Variants in NXPE4 observed in about 807,000 individuals in gnomAD.
NXPE4 encodes neurexophilin and PC-esterase domain family member 4, also known as NXPE family member 4.
In NXPE4, 42 loss-of-function variants were observed where a neutral mutation model predicts 33.3. The ratio of observed to expected loss-of-function variants is 1.26; its 90% CI spans 0.98 to 1.63. The LOEUF is 1.63. NXPE4 is among the 40% of genes most tolerant of loss of function. The pLI, the probability that NXPE4 is intolerant of heterozygous loss-of-function variation, is 0.00. For synonymous variants in NXPE4, 253 were observed against 234.9 expected (o/e 1.08, Z -0.71); for missense variants, 709 against 647.6 (o/e 1.09, Z -1.03).
At chr11:114,596,503 G>A (rs1949574538), upstream of NXPE4, among the ~76,000 whole-genome samples, 1 of 152,124 alleles carries the variant, frequency 6.6e-6, no homozygotes, top group South Asian at 2.1e-4. Flanking sequence ...TAAAAAGATG[G>A]AATCAAGACC....
chr11:114,599,077 A>G (rs989720776), upstream of NXPE4, among the ~76,000 whole-genome samples: 1 of 151,946 alleles, frequency 6.6e-6, no homozygotes, highest in Non-Finnish European at 1.5e-5. Context: ...TTTTTTGCAC[A>G]TGCATACGAG....
At chr11:114,653,253 CA>C in the NXPE4 span, among the ~76,000 whole-genome samples, 1 of 152,090 alleles carries the variant, frequency 6.6e-6, no homozygotes, top group Non-Finnish European at 1.5e-5. Flanking sequence ...GCAATGTAAG[CA>C]AACATTATAA....
chr11:114,653,169 A>G, the NXPE4 span, among the ~76,000 whole-genome samples: 1 of 152,254 alleles, frequency 6.6e-6, no homozygotes, highest in Non-Finnish European at 1.5e-5. Flanking sequence ...TTATAAAAGT[A>G]TCTGGAGAAA....
At chr11:114,634,835 G>T in the NXPE4 span, among the ~76,000 whole-genome samples, 7 of 151,948 alleles carry the variant, frequency 4.6e-5, no homozygotes, top group East Asian at 1.3e-3. Context: ...CTCTGTTTTG[G>T]TATCAGTGCT....
At chr11:114,583,491 A>T (rs116759935) in intron 2 of NXPE4, 3 of 634,534 alleles carry the variant, frequency 4.7e-6, no homozygotes, top group South Asian at 2.8e-5. Flanking sequence ...TGCTCCATCT[A>T]TCCAGATTAC....
chr11:114,591,090 C>T (rs1855251866), intron 2 of NXPE4, among the ~76,000 whole-genome samples: 1 of 152,160 alleles, frequency 6.6e-6, no homozygotes, highest in Non-Finnish European at 1.5e-5. Context: ...GGACCATCTT[C>T]ACAGATGGCA....
chr11:114,674,811 C>T, the NXPE4 span, among the ~76,000 whole-genome samples: 1 of 151,788 alleles, frequency 6.6e-6, no homozygotes, highest in Non-Finnish European at 1.5e-5. Flanking sequence ...AGATGACCAG[C>T]ATTGTCCCGA....
the NXPE4 span, among the ~76,000 whole-genome samples, chr11:114,602,282 ATATGT>A: frequency 6.7e-5 from 8 of 118,874 alleles, 1 homozygote; most frequent in African/African-American, 2.7e-4. Context: ...TATACTATAT[ATATGT>A]TATCTATAAC....
chr11:114,674,841 C>T, the NXPE4 span, among the ~76,000 whole-genome samples: 271 of 151,798 alleles, frequency 1.8e-3, 2 homozygotes, highest in East Asian at 0.019. Context: ...CAGACAAGGA[C>T]GCTAGGAGAA....
At chr11:114,628,723 G>A in the NXPE4 span, among the ~76,000 whole-genome samples, 4 of 150,802 alleles carry the variant, frequency 2.7e-5, no homozygotes, top group African/African-American at 9.8e-5. Flanking sequence ...AAAAATTAAC[G>A]AATCCAGGAG....
At chr11:114,581,428 G>C (rs476729) in intron 4 of NXPE4, among the ~76,000 whole-genome samples, 127,156 of 152,036 alleles carry the variant, frequency 0.84, 53,679 homozygotes, top group African/African-American at 0.9. Flanking sequence ...AGGTAAAGAA[G>C]TGGGTATAGA....
chr11:114,605,526 C>T, the NXPE4 span, among the ~76,000 whole-genome samples: 1 of 151,354 alleles, frequency 6.6e-6, no homozygotes, highest in Non-Finnish European at 1.5e-5. Flanking sequence ...CCACAGTTAC[C>T]CGGTGGATAA....
chr11:114,648,158 C>A, the NXPE4 span, among the ~76,000 whole-genome samples: 1 of 151,974 alleles, frequency 6.6e-6, no homozygotes, highest in East Asian at 1.9e-4. Flanking sequence ...TATAATGAGC[C>A]CTTTTTGAGC....
At chr11:114,630,589 T>A in the NXPE4 span, among the ~76,000 whole-genome samples, 12 of 151,356 alleles carry the variant, frequency 7.9e-5, no homozygotes, top group South Asian at 6.3e-4. Context: ...AACCTAGGCA[T>A]TACCATTCAG....
At chr11:114,640,774 T>C in the NXPE4 span, among the ~76,000 whole-genome samples, 1 of 152,074 alleles carries the variant, frequency 6.6e-6, no homozygotes, top group African/African-American at 2.4e-5. Context: ...TGTGTGTCCA[T>C]GTAATTTACT....
chr11:114,587,811 C>T (rs1949343345), intron 2 of NXPE4, among the ~76,000 whole-genome samples: 1 of 152,156 alleles, frequency 6.6e-6, no homozygotes, highest in Non-Finnish European at 1.5e-5. Flanking sequence ...CTCTGGAGTG[C>T]TTTCTGAAGC....
the NXPE4 span, among the ~76,000 whole-genome samples, chr11:114,677,814 T>A: frequency 3.3e-5 from 5 of 152,080 alleles, no homozygotes; most frequent in Admixed American, 6.6e-5. Flanking sequence ...CTAGACACTC[T>A]CATGCAGAGC....
chr11:114,650,748 T>G, the NXPE4 span, among the ~76,000 whole-genome samples: 9 of 151,652 alleles, frequency 5.9e-5, no homozygotes, highest in African/African-American at 1.9e-4. Flanking sequence ...CAAGGCAGAG[T>G]GCGGTTGCCA....
At position 114,582,451 on chromosome 11, in the gene NXPE4, G is replaced by A. The variant is rs1375708070; in HGVS notation, c.667C>T (p.Leu223=). The stretch of plus-strand genomic sequence containing the variant: ...TGGCACAATTCAGCATTTGTGTTTA[G>A]GATCAGGCCACATTCAGAGTGGACT... ...SQVHSECGLI[L]NTNAELCQYL... is the part of the protein sequence containing the mutation. Residue 223 remains leucine (L), a synonymous_variant, in exon 3 of 6, where the codon CTA becomes TTA. Transcript: ENST00000375478. 3 of 1,614,174 alleles carry A rather than the reference G, an allele frequency of 1.9e-6. No individual in the cohort carries two copies. The highest frequency in any genetic ancestry group is 1.1e-5 in the South Asian group (1 of 91,076).
Sources: allele counts gnomAD v4.1 joint callset (sites outside exome capture counted in the v4.1 genomes callset), GRCh38; gene constraint gnomAD v4.1.1; transcripts MANE v1.5; gene names NCBI Gene and HGNC (gene_info 2026-07-23, HGNC 2026-07-21).